Variants in EMC1 observed in about 807,000 individuals in gnomAD.
EMC1 encodes the protein ER membrane protein complex subunit 1, also known as KIAA0090.
A neutral mutation model predicts 128.8 loss-of-function variants in EMC1; 103 were observed. The ratio of observed to expected loss-of-function variants is 0.80; its 90% CI spans 0.68 to 0.94. The LOEUF is 0.94. Ranked by LOEUF, EMC1 falls within the 40% of genes least tolerant of loss-of-function variation. The pLI, the probability that EMC1 is intolerant of heterozygous loss-of-function variation, is 0.00. For synonymous variants in EMC1, 442 were observed against 490.4 expected (o/e 0.90, Z 1.30); for missense variants, 1,083 against 1,250.6 (o/e 0.87, Z 2.02).
chr1:19,243,065 G>A (rs181116743), intron 4 of EMC1, among the ~76,000 whole-genome samples: 6 of 152,124 alleles, frequency 3.9e-5, no homozygotes, highest in East Asian at 1.9e-4. Flanking sequence ...GTGAAACCCC[G>A]TCTCTACTAA....
rs1571967357 is a variant in EMC1 at position 19,220,530 on chromosome 1, C to T, written c.2672+234G>A. On this transcript the variant is annotated intron_variant, in intron 21 of 22. Transcript: ENST00000477853. ...CTCATTCCTGTTTTACTCTGCTTAG[C>T]ATTTGAGTACCTAACATAGTATATA... 7 of 350,440 alleles carry T rather than the reference C, an allele frequency of 2.0e-5. No individual in the cohort carries two copies. The East Asian group carries it at 3.1e-4, about 16-fold the overall frequency. 21.7% of individuals were successfully genotyped at this position (350,440 alleles called of 1,614,324 possible). A position where few individuals can be genotyped will look rare whatever the true frequency, so the allele number is the denominator to read the frequency against.
chr1:19,242,030 A>AGAACTAGAACTT (rs905507210), intron 5 of EMC1, among the ~76,000 whole-genome samples: 1 of 152,208 alleles, frequency 6.6e-6, no homozygotes, highest in Non-Finnish European at 1.5e-5. Flanking sequence ...AACTAGAACT[A>AGAACTAGAACTT]GAACTAGAAC....
intron 21 of EMC1, 138 bp from the exon 22 acceptor site, chr1:19,219,836 G>A: frequency 1.1e-6 from 1 of 895,722 alleles, no homozygotes; most frequent in Non-Finnish European, 1.7e-6. Flanking sequence ...GCATTAGGTA[G>A]TTAAAAATTT....
Position 19,244,806 on chromosome 1 carries a change from G to A in EMC1, c.220+100C>T, listed in dbSNP as rs577007114. 5 of 1,416,612 alleles carry A rather than the reference G, an allele frequency of 3.5e-6. No individual in the cohort carries two copies. The South Asian group carries it at 6.2e-5, about 18-fold the overall frequency. The allele number at this position is 1,416,612 out of a possible 1,614,324, so 87.8% of individuals were successfully genotyped here. ...AATCCACTAGGAGAGGCATCTTTTG[G>A]CCAACATGTTCCTTATTCAGGAATC... On this transcript the variant is annotated intron_variant, in intron 2 of 22. Coordinates refer to ENST00000477853, the MANE Select transcript of EMC1 (RefSeq NM_015047.3).
intron 1 of EMC1, among the ~76,000 whole-genome samples, chr1:19,245,304 G>T (rs1218921291): frequency 6.6e-6 from 1 of 152,094 alleles, no homozygotes; most frequent in African/African-American, 2.4e-5. Flanking sequence ...AGCTGGGCAT[G>T]GTGGCGCATG....
rs747855639 is a variant in EMC1, at chr1:19,219,618, C to T, written c.2753G>A (p.Arg918Gln). The T allele has an allele frequency of 1.2e-5, 20 of 1,613,118 alleles. No individual in the cohort carries two copies. In the Admixed American group the frequency reaches 1.7e-4, roughly 13 times the overall value. ...GGGAGCTGTGTAGATACCTCGCATT[C>T]GAGAAACTGTCTGGTTATAGTTGAT... ...RFINYNQTVS[R>Q]MRGIYTAPSG... The change falls in exon 22 of 23, where the codon CGA becomes CAA. Residue 918 changes from arginine (R) to glutamine (Q), a missense_variant. By Grantham distance (43) the Arg-to-Gln change is conservative. Around this residue, in one of 3 missense-constraint regions of EMC1, gnomAD observed 527 missense variants for 644.1 expected, o/e 0.82. Coordinates refer to ENST00000477853, the MANE Select transcript of EMC1 (RefSeq NM_015047.3).
chr1:19,225,105 A>C (rs569379394), intron 18 of EMC1, among the ~76,000 whole-genome samples: 16 of 152,190 alleles, frequency 1.1e-4, no homozygotes, highest in African/African-American at 3.6e-4. Flanking sequence ...TATTTTCTTT[A>C]TTATTAGCCT....
At chr1:19,237,846 A>T (rs1316824092) in intron 11 of EMC1, among the ~76,000 whole-genome samples, 171 bp downstream of exon 11, 1 of 152,242 alleles carries the variant, frequency 6.6e-6, no homozygotes, top group Admixed American at 6.5e-5. Context: ...AGCTGGCATA[A>T]ATAATACCCG....
chr1:19,221,077 A>G, intron 20 of EMC1: 1 of 381,650 alleles, frequency 2.6e-6, no homozygotes, highest in Non-Finnish European at 4.7e-6. Flanking sequence ...CAGAAAATAA[A>G]GTTCTAGAAT....
chr1:19,225,378 A>G (rs1323863395), intron 18 of EMC1, among the ~76,000 whole-genome samples: 1 of 152,176 alleles, frequency 6.6e-6, no homozygotes, highest in African/African-American at 2.4e-5. Flanking sequence ...GTGCCTGGGC[A>G]CGGTGGCTCC....
At chr1:19,235,876 G>A (rs957990394) in intron 12 of EMC1, among the ~76,000 whole-genome samples, 3 of 152,036 alleles carry the variant, frequency 2.0e-5, no homozygotes, top group Admixed American at 6.6e-5. Flanking sequence ...CTGGGCAACA[G>A]TGAGACCTTG....
At chr1:19,240,898 G>C in intron 6 of EMC1, 118 bp downstream of exon 6, 2 of 1,151,394 alleles carry the variant, frequency 1.7e-6, no homozygotes, top group South Asian at 1.5e-5. Flanking sequence ...ACCAGAATGA[G>C]GGAGCATAAG....
chr1:19,251,331 G>C, intron 1 of EMC1, 84 bp downstream of exon 1: 2 of 1,301,182 alleles, frequency 1.5e-6, no homozygotes, highest in Non-Finnish European at 2.2e-6. Flanking sequence ...GGCCAATCCT[G>C]TTAAGTGACA....
Position 19,237,156 on chromosome 1 carries a change from A to T in EMC1, c.1295T>A (p.Phe432Tyr), listed in dbSNP as rs757316887. ...GGTCTACTTACCCAACTGCTGCAGG[A>T]AAAGTAGCAGATGATCCTCTGTCTG... ...LVQTEDHLLL[F>Y]LQQLAGKVVL... Residue 432 changes from phenylalanine (F) to tyrosine (Y), a missense_variant, in exon 12 of 23, where the codon TTC becomes TAC. Around this residue, in one of 3 missense-constraint regions of EMC1, gnomAD observed 544 missense variants for 572.4 expected, o/e 0.95. Coordinates refer to ENST00000477853, the MANE Select transcript of EMC1 (RefSeq NM_015047.3). 3.1e-6 allele frequency: 5 copies of T among 1,613,414 alleles called. No homozygotes were observed. Among genetic ancestry groups the T allele is most frequent in the Non-Finnish European group, 4.2e-6 (5 of 1,179,428 alleles).
chr1:19,243,621 T>G lies in EMC1; in HGVS notation c.373A>C (p.Ser125Arg), dbSNP rs142586837. Residue 125 changes from serine (S) to arginine (R), a missense_variant, in exon 4 of 23, where the codon AGT (serine) becomes CGT (arginine). Ser to Arg is a moderately radical substitution (Grantham distance 110). Transcript: ENST00000477853. ...ATCCAGTTTCTCCCCTACCTGCCAC[T>G]GTCCAGGGTTATCTCCCAGTTCAGG... ...GGLNWEITLDSGSFQALGLVG... is the reference protein window; with the variant it reads ...GGLNWEITLDRGSFQALGLVG... 6.8e-6 allele frequency: 11 copies of G among 1,613,916 alleles called. No homozygotes were observed. In the African/African-American group the frequency reaches 1.5e-4, roughly 22 times the overall value.
chr1:19,244,634 A>G (rs2093623443), intron 2 of EMC1: 1 of 321,672 alleles, frequency 3.1e-6, no homozygotes, highest in Non-Finnish European at 5.9e-6. Context: ...CGAACTCCTG[A>G]GCTCAAGTGA....
chr1:19,245,263 C>A (rs2093626550), intron 1 of EMC1, among the ~76,000 whole-genome samples: 1 of 152,120 alleles, frequency 6.6e-6, no homozygotes, highest in Admixed American at 6.5e-5. Flanking sequence ...CATGGAGAAA[C>A]CCCGTCTGTC....
In EMC1 at chr1:19,231,242, TC is replaced by T; in HGVS notation, c.1944+18del. The T allele has an allele frequency of 6.3e-7, 1 of 1,577,198 alleles. No homozygotes were observed. Among genetic ancestry groups the T allele is most frequent in the Non-Finnish European group, 8.6e-7 (1 of 1,167,852 alleles). On this transcript the variant is annotated intron_variant, in intron 16 of 22. Transcript: ENST00000477853. ...CCGGACTCCGCTAGCATGTTCTCCA[TC>T]CCCTCTGAAGACAGTACCTTGTATT...
chr1:19,242,307 G>A (rs1430760180), intron 5 of EMC1, 38 bp downstream of exon 5: 2 of 1,612,862 alleles, frequency 1.2e-6, no homozygotes, highest in African/African-American at 1.3e-5. Context: ...CTAGAGAGTA[G>A]AACGAGGCAG....
Sources: gnomAD v4.1 joint callset for allele counts (sites outside exome capture counted in the v4.1 genomes callset) on GRCh38, gnomAD v4.1.1 for gene constraint, gnomAD v4.1.1 regional missense constraint, MANE v1.5 for transcripts, NCBI Gene and HGNC (gene_info 2026-07-23, HGNC 2026-07-21) for gene names.